TFEB: variants seen among roughly 807,000 people sequenced by gnomAD.
TFEB encodes the protein transcription factor EB, also known as T-cell transcription factor EB.
TFEB carries 12 observed loss-of-function variants against 48.0 expected under a neutral mutation model. That is an observed-to-expected ratio of 0.25 (90% CI 0.16 to 0.40). TFEB has a LOEUF of 0.40. Ranked by LOEUF, TFEB falls within the 10% of genes least tolerant of loss-of-function variation. TFEB has a pLI of 1.00. For missense variants in TFEB, 509 were observed against 640.3 expected (o/e 0.79, Z 2.21); for synonymous variants, 244 against 261.4 (o/e 0.93, Z 0.64).
chr6:41,690,613 T>C (rs1769250222), intron 3 of TFEB, 50 bp downstream of exon 3: 1 of 1,473,420 alleles, frequency 6.8e-7, no homozygotes, highest in East Asian at 2.4e-5. Context: ...AGCACAGCAG[T>C]GGGCACGAGC....
intron 1 of TFEB, among the ~76,000 whole-genome samples, chr6:41,729,132 T>G (rs1300972790): frequency 6.6e-6 from 1 of 151,832 alleles, no homozygotes; most frequent in Admixed American, 6.6e-5. Context: ...CTGTGGGACC[T>G]GCCACCTCTT....
At chr6:41,728,089 C>T (rs888789011) in intron 1 of TFEB, among the ~76,000 whole-genome samples, 16 of 152,328 alleles carry the variant, frequency 1.1e-4, no homozygotes, top group Admixed American at 3.3e-4. Flanking sequence ...CTCTTCAGGG[C>T]AAAGGGCAGG....
In TFEB at chr6:41,691,516, C is replaced by G. The variant is rs1387158009; in HGVS notation, c.-22-281G>C. 1 of 632,672 alleles carries G rather than the reference C, an allele frequency of 1.6e-6. No individual in the cohort carries two copies. The highest frequency in any genetic ancestry group is 2.3e-5 in the Admixed American group (1 of 43,432). The allele number at this position is 632,672 out of a possible 1,614,324, so 39.2% of individuals were successfully genotyped here. On this transcript the variant is annotated intron_variant, in intron 1 of 8. Coordinates refer to ENST00000373033, the MANE Select transcript of TFEB (RefSeq NM_001271944.2). This position sits in a 1 kb window ranked among gnomAD's most constrained non-coding sequence, Gnocchi z 5.2. ...ACTCTAAGAGTCAACTTCCACTCCT[C>G]TCTGTGTCACGCCCACATCCTGATC...
intron 1 of TFEB, among the ~76,000 whole-genome samples, chr6:41,710,387 G>A (rs1770425280): frequency 6.6e-6 from 1 of 152,198 alleles, no homozygotes. Context: ...GGAAGGGGAA[G>A]CCAGGTAAAA....
rs981065829 is a variant in TFEB, at chr6:41,735,470, G to T, written c.-143C>A. On this transcript the variant is annotated 5_prime_UTR_variant, in exon 1 of 9. Transcript: ENST00000373033. ...CCTGCTCCCGGCCTGCTCCGGCCCCGTGCCACCAGGGAGGCCCGCCCCGTC... is the reference window on the plus strand; with the variant it reads ...CCTGCTCCCGGCCTGCTCCGGCCCCTTGCCACCAGGGAGGCCCGCCCCGTC... 6.1e-6 allele frequency: 6 copies of T among 984,506 alleles called. No homozygotes were observed. Among genetic ancestry groups the T allele is most frequent in the Non-Finnish European group, 7.2e-6 (6 of 829,690 alleles). 61.0% of individuals were successfully genotyped at this position (984,506 alleles called of 1,614,324 possible). A position where few individuals can be genotyped will look rare whatever the true frequency, so the allele number is the denominator to read the frequency against.
intron 1 of TFEB, among the ~76,000 whole-genome samples, chr6:41,715,055 G>A (rs1027749999): frequency 2.0e-5 from 3 of 152,194 alleles, no homozygotes; most frequent in African/African-American, 7.2e-5. Flanking sequence ...TCAGTGTGAG[G>A]AGCAGGAGAG....
rs74635402 is a variant in TFEB at position 41,735,293 on chromosome 6, G to A, written c.-23+57C>T. ...GGACCCACGGGATAGGGGCCAGGGA[G>A]CCTGGGTCGGGGGTCCCGGGCCCTC... On this transcript the variant is annotated intron_variant, in intron 1 of 8. Coordinates refer to ENST00000373033, the MANE Select transcript of TFEB (RefSeq NM_001271944.2). The A allele has an allele frequency of 7.0e-4, 693 of 983,042 alleles. 4 individuals are homozygous for A. In the African/African-American group the frequency reaches 0.011, roughly 16 times the overall value. The allele number at this position is 983,042 out of a possible 1,614,324, so 60.9% of individuals were successfully genotyped here. A position where few individuals can be genotyped will look rare whatever the true frequency, so the allele number is the denominator to read the frequency against.
At position 41,720,182 on chromosome 6, in the gene TFEB, C is replaced by T. The variant is rs76421295; in HGVS notation, c.-23+15168G>A. On this transcript the variant is annotated intron_variant, in intron 1 of 8. Coordinates refer to ENST00000373033, the MANE Select transcript of TFEB (RefSeq NM_001271944.2). This position sits in a 1 kb window ranked among gnomAD's most constrained non-coding sequence, Gnocchi z 4.1. ...GTTACTGCCTCTCCACCTGCCACCA[C>T]AGCCCCTTAAGCTGGGACTCCTGGG... is the stretch of plus-strand genomic sequence containing the variant. 0.043 allele frequency among the ~76,000 whole-genome samples: 6,605 copies of T among 152,236 alleles called. 466 individuals are homozygous for T. Among genetic ancestry groups the T allele is most frequent in the African/African-American group, 0.15 (6,157 of 41,512 alleles).
chr6:41,685,745 T>C (rs1768965319), intron 8 of TFEB, among the ~76,000 whole-genome samples: 1 of 152,070 alleles, frequency 6.6e-6, no homozygotes, highest in East Asian at 1.9e-4. Flanking sequence ...ACTTGTAGAG[T>C]GTGCTTGCAT....
At chr6:41,733,161 C>G in intron 1 of TFEB, 3 of 510,318 alleles carry the variant, frequency 5.9e-6, no homozygotes, top group Non-Finnish European at 7.6e-6. Flanking sequence ...GTGGGAGTCC[C>G]CTTCCACCTA....
intron 1 of TFEB, among the ~76,000 whole-genome samples, chr6:41,709,813 G>C (rs931054103): frequency 2.0e-5 from 3 of 151,996 alleles, no homozygotes; most frequent in Non-Finnish European, 4.4e-5. Flanking sequence ...TTGAGACAGG[G>C]TCTCACTCTG....
chr6:41,722,630 G>A (rs1215608553), intron 1 of TFEB, among the ~76,000 whole-genome samples: 1 of 152,244 alleles, frequency 6.6e-6, no homozygotes, highest in South Asian at 2.1e-4. Flanking sequence ...TGGGGTGACT[G>A]AGGGTGAAGG....
Position 41,734,053 on chromosome 6 carries a change from G to T in TFEB, c.-23+1297C>A. On this transcript the variant is annotated intron_variant, in intron 1 of 8. Transcript: ENST00000373033. The surrounding 1 kb of genome is among the most constrained non-coding windows in gnomAD (Gnocchi z 4.0). Reference sequence around the variant, plus strand: ...CAGCCCCTCACTCGGGATGGGGGGAGGGCAGAGGATGGGAGCTGGGCAGTA... The same window carrying T: ...CAGCCCCTCACTCGGGATGGGGGGATGGCAGAGGATGGGAGCTGGGCAGTA... 1 of 211,546 alleles carries T rather than the reference G, an allele frequency of 4.7e-6. No homozygotes were observed. The highest frequency in any genetic ancestry group is 8.2e-6 in the Non-Finnish European group (1 of 122,316). The allele number at this position is 211,546 out of a possible 1,614,324, so 13.1% of individuals were successfully genotyped here. A position where few individuals can be genotyped will look rare whatever the true frequency, so the allele number is the denominator to read the frequency against.
At chr6:41,718,494 C>T (rs1050571521) in intron 1 of TFEB, among the ~76,000 whole-genome samples, 4 of 152,086 alleles carry the variant, frequency 2.6e-5, no homozygotes, top group African/African-American at 9.7e-5. Context: ...CAAGCATGAG[C>T]CACCACACCC....
At chr6:41,712,191 A>T (rs980236607) in intron 1 of TFEB, among the ~76,000 whole-genome samples, 5 of 152,186 alleles carry the variant, frequency 3.3e-5, no homozygotes, top group Non-Finnish European at 7.4e-5. Flanking sequence ...CCATCCTTGA[A>T]AATGAACCCC....
chr6:41,730,564 G>A lies in TFEB; in HGVS notation c.-23+4786C>T, dbSNP rs1169670388. On this transcript the variant is annotated intron_variant, in intron 1 of 8. Coordinates refer to ENST00000373033, the MANE Select transcript of TFEB (RefSeq NM_001271944.2). This position sits in a 1 kb window ranked among gnomAD's most constrained non-coding sequence, Gnocchi z 4.1. Reference sequence around the variant, plus strand: ...TTCCTCCTTAAGCCCACACTTAAGAGCCAGGAAGGAAAGCTGGTGATGACC... The same window carrying A: ...TTCCTCCTTAAGCCCACACTTAAGAACCAGGAAGGAAAGCTGGTGATGACC... Among the ~76,000 whole-genome samples the A allele has an allele frequency of 6.6e-6, 1 of 152,214 alleles. No homozygotes were observed. The highest frequency in any genetic ancestry group is 1.5e-5 in the Non-Finnish European group (1 of 68,034).
rs143478952 is a variant in TFEB at position 41,730,393 on chromosome 6, C to A, written c.-23+4957G>T. 6.3e-3 allele frequency among the ~76,000 whole-genome samples: 962 copies of A among 152,266 alleles called. 11 individuals are homozygous for A. The highest frequency in any genetic ancestry group is 0.02 in the African/African-American group (851 of 41,544). On this transcript the variant is annotated intron_variant, in intron 1 of 8. Coordinates refer to ENST00000373033, the MANE Select transcript of TFEB (RefSeq NM_001271944.2). The surrounding 1 kb of genome is among the most constrained non-coding windows in gnomAD (Gnocchi z 4.1). ...ATCCCTGGATTAATCCCTACAGCAC[C>A]GCATCTTACTCTGGGACCACTGCTG...
intron 1 of TFEB, among the ~76,000 whole-genome samples, chr6:41,694,007 C>G (rs536535743): frequency 1.3e-5 from 2 of 152,152 alleles, no homozygotes; most frequent in Admixed American, 6.5e-5. Context: ...CTCACCCCCC[C>G]ACCCTTGGGG....
At chr6:41,689,637 G>T in intron 4 of TFEB, 94 bp downstream of exon 4, 1 of 950,912 alleles carries the variant, frequency 1.1e-6, no homozygotes, top group Non-Finnish European at 1.7e-6. Context: ...TGCCCAGTGA[G>T]AACCCTGTCT....
Sources: allele counts gnomAD v4.1 joint callset (sites outside exome capture counted in the v4.1 genomes callset), GRCh38; gene constraint gnomAD v4.1.1; non-coding constraint Gnocchi (gnomAD v3.1); transcripts MANE v1.5; gene names NCBI Gene and HGNC (gene_info 2026-07-23, HGNC 2026-07-21).